Variants in OGDHL observed in about 807,000 individuals in gnomAD.
OGDHL encodes 2-oxoglutarate dehydrogenase-like, mitochondrial.
In OGDHL, 79 loss-of-function variants were observed where a neutral mutation model predicts 109.6. That is an observed-to-expected ratio of 0.72 (90% CI 0.60 to 0.87). OGDHL has a LOEUF of 0.87. Ranked by LOEUF, OGDHL falls within the 40% of genes least tolerant of loss-of-function variation. The pLI is 0.00. For missense variants in OGDHL, 1,275 were observed against 1,362.2 expected, an observed-to-expected ratio of 0.94 and a Z score of 1.01; for synonymous variants, 528 against 537.2, an observed-to-expected ratio of 0.98 and a Z score of 0.24.
intron 20 of OGDHL, 30 bp from the exon 21 acceptor site, chr10:49,736,550 G>A (rs367688605): frequency 1.8e-5 from 29 of 1,606,218 alleles, no homozygotes; most frequent in South Asian, 9.9e-5. Flanking sequence ...TGGCAGAGGC[G>A]TTGGTACCCA....
In OGDHL at chr10:49,745,882, G is replaced by A. The variant is rs17852387; in HGVS notation, c.1392C>T (p.Ala464=). 116 of 1,614,026 alleles carry A rather than the reference G, an allele frequency of 7.2e-5. No individual in the cohort carries two copies. The highest frequency in any genetic ancestry group is 8.9e-5 in the Non-Finnish European group (105 of 1,180,044). Residue 464 remains alanine, a synonymous_variant, in exon 11 of 23, where the codon GCC becomes GCT. Coordinates refer to ENST00000374103, the MANE Select transcript of OGDHL (RefSeq NM_018245.3). The stretch of plus-strand genomic sequence containing the variant: ...CATATATCACAGCCTCTGGGTCATC[G>A]GCATTCACATGGAAGATAGGCGCAT... The part of the protein sequence containing the change: ...VVNAPIFHVN[A]DDPEAVIYVC...
Position 49,739,844 on chromosome 10 carries a change from A to G in OGDHL, c.2141-5T>C. On this transcript the variant is annotated splice_region_variant and splice_polypyrimidine_tract_variant and intron_variant, in intron 16 of 22. Transcript: ENST00000374103. ...TGGCATAGCCCAGCTCAAAGCCTAA[A>G]CAGAAGACAAGATAGAGCTTGCTGC... 6.2e-7 allele frequency: 1 copy of G among 1,611,156 alleles called. No homozygotes were observed. Among genetic ancestry groups the G allele is most frequent in the South Asian group, 1.1e-5 (1 of 90,566 alleles).
rs1564539634 is a variant in OGDHL at position 49,745,918 on chromosome 10, G to A, written c.1356C>T (p.Ala452=). ...ARSSPYPTDV[A]RVVNAPIFHV... is the part of the protein sequence containing the mutation. Reference sequence around the variant, plus strand: ...GGAAGATAGGCGCATTGACCACCCGGGCCACGTCGGTCGGGTATGGTGAGG... The same window carrying A: ...GGAAGATAGGCGCATTGACCACCCGAGCCACGTCGGTCGGGTATGGTGAGG... The change falls in exon 11 of 23, where the codon GCC becomes GCT. Residue 452 remains alanine, a synonymous_variant. Transcript: ENST00000374103. The A allele has an allele frequency of 6.2e-7, 1 of 1,614,208 alleles. No homozygotes were observed. The highest frequency in any genetic ancestry group is 8.5e-7 in the Non-Finnish European group (1 of 1,180,036).
chr10:49,736,235 C>A, intron 21 of OGDHL, 58 bp from the exon 22 acceptor site: 1 of 1,570,688 alleles, frequency 6.4e-7, no homozygotes, highest in Non-Finnish European at 8.6e-7. Context: ...TCCCCAGCAC[C>A]CCCGGACAGG....
intron 15 of OGDHL, among the ~76,000 whole-genome samples, chr10:49,741,743 A>G (rs533506435): frequency 4.7e-5 from 7 of 150,118 alleles, no homozygotes; most frequent in African/African-American, 1.7e-4. Flanking sequence ...ACATACATAC[A>G]CACACCACAC....
In OGDHL at chr10:49,749,748, G is replaced by A; in HGVS notation, c.965C>T (p.Pro322Leu). ...CACCTCGTCCGCCGCCTCCAGCTTGGGGTCAAACTGGCAGAAGATCTGCTC... is the reference window on the plus strand; with the variant it reads ...CACCTCGTCCGCCGCCTCCAGCTTGAGGTCAAACTGGCAGAAGATCTGCTC... ...DLEQIFCQFD[P>L]KLEAADEGSG... The change falls in exon 8 of 23, where the codon CCC becomes CTC. Residue 322 changes from proline (P) to leucine (L), a missense_variant. Pro to Leu is a moderately conservative substitution (Grantham distance 98). Transcript: ENST00000374103. 3.8e-6 allele frequency: 6 copies of A among 1,598,288 alleles called. No individual in the cohort carries two copies. Among genetic ancestry groups the A allele is most frequent in the Non-Finnish European group, 5.1e-6 (6 of 1,176,140 alleles).
chr10:49,745,225 C>T (rs1382167321), intron 12 of OGDHL, 119 bp downstream of exon 12: 1 of 1,310,786 alleles, frequency 7.6e-7, no homozygotes, highest in African/African-American at 1.5e-5. Flanking sequence ...GGACAAGGAC[C>T]ATAGTGGCTA....
chr10:49,747,450 G>A (rs139687640), intron 8 of OGDHL, among the ~76,000 whole-genome samples: 3 of 152,298 alleles, frequency 2.0e-5, no homozygotes, highest in South Asian at 2.1e-4. Context: ...CCATGGAGCA[G>A]GAGAGCACAA....
Position 49,740,852 on chromosome 10 carries a change from A to AC in OGDHL, c.2013-16dup. On this transcript the variant is annotated splice_polypyrimidine_tract_variant and intron_variant, in intron 15 of 22. Transcript: ENST00000374103. ...GGTGCCGGTGACTGCAGAGACACAG[A>AC]CCGGGGCAGGGACAGAGGGCAGGTG... 1.2e-6 allele frequency: 2 copies of AC among 1,613,460 alleles called. No homozygotes were observed. Among genetic ancestry groups the AC allele is most frequent in the Non-Finnish European group, 1.7e-6 (2 of 1,179,668 alleles).
intron 8 of OGDHL, 43 bp downstream of exon 8, chr10:49,749,683 A>G (rs1164731098): frequency 2.6e-6 from 4 of 1,513,870 alleles, no homozygotes; most frequent in Non-Finnish European, 3.6e-6. Flanking sequence ...CCTCCCAAAC[A>G]CCCAGCTCTC....
intron 12 of OGDHL, 93 bp from the exon 13 acceptor site, chr10:49,744,845 C>T: frequency 3.0e-6 from 3 of 998,538 alleles, no homozygotes; most frequent in Non-Finnish European, 4.7e-6. Context: ...GTCCCCATCA[C>T]CAAGTTCTTC....
rs773257234 is a variant in OGDHL, at chr10:49,739,748, G to A, written c.2232C>T (p.Ile744=). ...FGDFHNTAQC[I]IDQFISTGQA... is the part of the protein sequence containing the mutation. ...GGCCGGTGCTGATGAACTGGTCGAT[G>A]ATGCACTGGGCCGTGTTGTGGAAGT... Residue 744 remains isoleucine (I), a synonymous_variant, in exon 17 of 23, where the codon ATC becomes ATT. Coordinates refer to ENST00000374103, the MANE Select transcript of OGDHL (RefSeq NM_018245.3). 2.4e-5 allele frequency: 39 copies of A among 1,614,170 alleles called. No individual in the cohort carries two copies. The Admixed American group carries it at 6.3e-4, about 26-fold the overall frequency.
Position 49,749,778 on chromosome 10 carries a change from T to C in OGDHL, c.935A>G (p.Asp312Gly), listed in dbSNP as rs1204719955. 1 of 1,601,016 alleles carries C rather than the reference T, an allele frequency of 6.2e-7. No homozygotes were observed. Among genetic ancestry groups the C allele is most frequent in the Admixed American group, 1.7e-5 (1 of 59,292 alleles). Residue 312 changes from aspartate (D) to glycine (G), a missense_variant, in exon 8 of 23, where the codon GAC (aspartate) becomes GGC (glycine). Transcript: ENST00000374103. ...LNVLANVIRK[D>G]LEQIFCQFDP... ...AAACTGGCAGAAGATCTGCTCCAGG[T>C]CCTTGCGGATCACGTTGGCCAGCAC... is the stretch of plus-strand genomic sequence containing the variant.
chr10:49,752,438 A>G (rs528803803), intron 4 of OGDHL, among the ~76,000 whole-genome samples, 190 bp from the exon 5 acceptor site: 1 of 152,288 alleles, frequency 6.6e-6, no homozygotes, highest in South Asian at 2.1e-4. Context: ...GCTTGAACAC[A>G]TGGGGCACAA....
chr10:49,738,007 G>A lies in OGDHL; in HGVS notation c.2457C>T (p.Ser819=). ...GCACGTGGAAGTAGTTGGCCGGTGTGGAGCAGTTGACCACGATCCAGTTGC... is the reference window on the plus strand; with the variant it reads ...GCACGTGGAAGTAGTTGGCCGGTGTAGAGCAGTTGACCACGATCCAGTTGC... ...YDCNWIVVNC[S]TPANYFHVLR... Residue 819 remains serine, a synonymous_variant, in exon 19 of 23, where the codon TCC becomes TCT. Transcript: ENST00000374103. 2 of 1,614,194 alleles carry A rather than the reference G, an allele frequency of 1.2e-6. No homozygotes were observed. Among genetic ancestry groups the A allele is most frequent in the Non-Finnish European group, 1.7e-6 (2 of 1,180,036 alleles).
At chr10:49,755,055 C>T (rs1475820174) in intron 3 of OGDHL, among the ~76,000 whole-genome samples, 1 of 152,120 alleles carries the variant, frequency 6.6e-6, no homozygotes, top group Admixed American at 6.5e-5. Flanking sequence ...ACCAGCCTGG[C>T]CAACATGGTG....
At chr10:49,739,071 G>C (rs1841441103) in intron 17 of OGDHL, 1 of 152,546 alleles carries the variant, frequency 6.6e-6, no homozygotes. Flanking sequence ...GTGGCAATGA[G>C]CCCCCTGCCT....
chr10:49,748,086 TC>T (rs1429965148), intron 8 of OGDHL, among the ~76,000 whole-genome samples: 1 of 152,218 alleles, frequency 6.6e-6, no homozygotes, highest in Non-Finnish European at 1.5e-5. Context: ...ATCTGCCAGC[TC>T]CTGGGAGGGT....
In OGDHL at chr10:49,740,817, T is replaced by G; in HGVS notation, c.2033A>C (p.His678Pro). ...GTFSHRHHVLHDQEVDRRTCV... is the reference protein window; with the variant it reads ...GTFSHRHHVLPDQEVDRRTCV... Reference sequence around the variant, plus strand: ...CGTCCTGCGGTCAACCTCCTGGTCATGGAGAACATGGTGCCGGTGACTGCA... The same window carrying G: ...CGTCCTGCGGTCAACCTCCTGGTCAGGGAGAACATGGTGCCGGTGACTGCA... The change falls in exon 16 of 23, where the codon CAT becomes CCT. Residue 678 changes from histidine to proline, a missense_variant. His to Pro is a moderately conservative substitution (Grantham distance 77, BLOSUM62 -2). Transcript: ENST00000374103. 1.2e-6 allele frequency: 2 copies of G among 1,613,802 alleles called. No homozygotes were observed. The highest frequency in any genetic ancestry group is 1.7e-6 in the Non-Finnish European group (2 of 1,179,796).
Sources: allele counts gnomAD v4.1 joint callset (sites outside exome capture counted in the v4.1 genomes callset), GRCh38; gene constraint gnomAD v4.1.1; transcripts MANE v1.5; gene names NCBI Gene and HGNC (gene_info 2026-07-23, HGNC 2026-07-21).